The following KDELR3 variants were observed in gnomAD, a reference collection of about 807,000 sequenced individuals.
The protein encoded by KDELR3 is KDEL endoplasmic reticulum protein retention receptor 3.
A neutral mutation model predicts 22.7 loss-of-function variants in KDELR3; 26 were observed. That is an observed-to-expected ratio of 1.15 (90% CI 0.84 to 1.59). The LOEUF is 1.59. Among genes scored for constraint, KDELR3 ranks in the 40% most tolerant of loss-of-function variants. The probability of loss-of-function intolerance (pLI) is 0.00; values close to 1 mark genes in which losing one functional copy is unlikely to be tolerated. For missense variants in KDELR3, 289 were observed against 251.1 expected (o/e 1.15, Z -1.02); for synonymous variants, 120 against 98.2 (o/e 1.22, Z -1.31).
chr22:38,472,977 G>A (rs1391583347), intron 1 of KDELR3, among the ~76,000 whole-genome samples: 1 of 152,120 alleles, frequency 6.6e-6, no homozygotes, highest in African/African-American at 2.4e-5. Context: ...TTGGATTACA[G>A]GCATGAGCCA....
intron 1 of KDELR3, among the ~76,000 whole-genome samples, chr22:38,471,144 C>G (rs1357538066): frequency 1.4e-5 from 2 of 145,096 alleles, no homozygotes; most frequent in Non-Finnish European, 1.5e-5. Context: ...AACTCTGTCT[C>G]AAACAAACAA....
At chr22:38,475,567 A>G (rs1404559847) in intron 2 of KDELR3, among the ~76,000 whole-genome samples, 1 of 152,230 alleles carries the variant, frequency 6.6e-6, no homozygotes, top group Admixed American at 6.5e-5. Flanking sequence ...GATGACATGT[A>G]AGCTGACAGC....
intron 1 of KDELR3, 96 bp from the exon 2 acceptor site, chr22:38,474,427 C>T: frequency 1.0e-6 from 1 of 957,614 alleles, no homozygotes; most frequent in Non-Finnish European, 1.7e-6. Context: ...AGTGGACACT[C>T]TAGAGGCCTC....
Position 38,481,284 on chromosome 22 carries a change from G to T in KDELR3, c.424G>T (p.Gly142Ter). The stretch of plus-strand genomic sequence containing the variant: ...CCAGCTCTTCATGATCAGCAAGACT[G>T]GAGAGGCTGAGACCATAACTACTCA... The part of the protein sequence containing the change: ...LPQLFMISKT[G>*]EAETITTHYL... The change falls in exon 4 of 5, where the codon GGA becomes TGA. Residue 142 changes from glycine to a stop codon, truncating the protein, a stop_gained. Coordinates refer to ENST00000216014, the MANE Select transcript of KDELR3 (RefSeq NM_006855.4). LOFTEE classifies it high-confidence loss of function. 1 of 1,614,188 alleles carries T rather than the reference G, an allele frequency of 6.2e-7. No homozygotes were observed. The highest frequency in any genetic ancestry group is 8.5e-7 in the Non-Finnish European group (1 of 1,180,030).
rs1267586276 is a variant in KDELR3, at chr22:38,468,544, T to A, written c.91+220T>A. On this transcript the variant is annotated intron_variant, in intron 1 of 4. Transcript: ENST00000216014. The stretch of plus-strand genomic sequence containing the variant: ...GATGGGAGGCGGGTGGGTTTGTTCC[T>A]GCACAGACGCCCCCTCAGGTTGGCA... 2.6e-5 allele frequency among the ~76,000 whole-genome samples: 4 copies of A among 152,286 alleles called. No homozygotes were observed. The East Asian group carries it at 7.7e-4, about 29-fold the overall frequency.
intron 1 of KDELR3, 123 bp from the exon 2 acceptor site, chr22:38,474,400 G>A: frequency 1.4e-6 from 1 of 691,530 alleles, no homozygotes; most frequent in Non-Finnish European, 2.5e-6. Context: ...GCCCTGGACA[G>A]GAGGTCTTTG....
At chr22:38,468,718 C>T (rs1187801498) in intron 1 of KDELR3, among the ~76,000 whole-genome samples, 1 of 152,178 alleles carries the variant, frequency 6.6e-6, no homozygotes, top group Non-Finnish European at 1.5e-5. Context: ...GTCTTCTCTT[C>T]CCTGCCCCTT....
intron 1 of KDELR3, among the ~76,000 whole-genome samples, chr22:38,469,496 C>T (rs564799524): frequency 6.6e-5 from 10 of 152,194 alleles, no homozygotes; most frequent in Middle Eastern, 3.4e-3. Flanking sequence ...AGCAACAGTA[C>T]GGTGTGGAGG....
At position 38,481,367 on chromosome 22, in the gene KDELR3, G is replaced by A; in HGVS notation, c.507G>A (p.Arg169=). The A allele has an allele frequency of 6.2e-7, 1 of 1,614,188 alleles. No homozygotes were observed. Among genetic ancestry groups the A allele is most frequent in the Non-Finnish European group, 8.5e-7 (1 of 1,180,032 alleles). Residue 169 remains arginine (R), a synonymous_variant, in exon 4 of 5, where the codon CGG becomes CGA. Coordinates refer to ENST00000216014, the MANE Select transcript of KDELR3 (RefSeq NM_006855.4). The part of the protein sequence containing the change: ...RALYLANWIR[R]YQTENFYDQI... ...TCTACCTGGCTAACTGGATCAGGCG[G>A]TACCAGACTGAGAATTTCTATGACC...
intron 1 of KDELR3, among the ~76,000 whole-genome samples, chr22:38,471,856 C>A (rs963245544): frequency 6.8e-6 from 1 of 147,888 alleles, no homozygotes; most frequent in Admixed American, 6.6e-5. Flanking sequence ...CCCAGCTACT[C>A]AGGAGGCTAA....
At chr22:38,470,511 G>A (rs1037310204) in intron 1 of KDELR3, among the ~76,000 whole-genome samples, 16 of 152,180 alleles carry the variant, frequency 1.1e-4, no homozygotes, top group African/African-American at 3.6e-4. Context: ...AAAAAGGGCA[G>A]CTGGGTGGCA....
At chr22:38,469,160 G>A (rs550277477) in intron 1 of KDELR3, among the ~76,000 whole-genome samples, 9 of 152,332 alleles carry the variant, frequency 5.9e-5, no homozygotes, top group South Asian at 2.1e-4. Context: ...CCCGGAGGAC[G>A]AGCAGGTGTC....
intron 4 of KDELR3, 67 bp from the exon 5 acceptor site, chr22:38,482,429 G>A: frequency 8.0e-7 from 1 of 1,256,888 alleles, no homozygotes; most frequent in Non-Finnish European, 1.2e-6. Context: ...CCAAGATTAT[G>A]CATCAAGTTA....
chr22:38,468,946 C>A (rs754585274), intron 1 of KDELR3, among the ~76,000 whole-genome samples: 12 of 152,208 alleles, frequency 7.9e-5, no homozygotes, highest in African/African-American at 2.9e-4. Flanking sequence ...GACTCGCGGT[C>A]GCCAACAGAT....
chr22:38,477,977 G>C (rs1234149767), intron 2 of KDELR3, among the ~76,000 whole-genome samples: 1 of 152,220 alleles, frequency 6.6e-6, no homozygotes, highest in Non-Finnish European at 1.5e-5. Context: ...GCCAGGGACT[G>C]AGTTAGGAGC....
At position 38,479,575 on chromosome 22, in the gene KDELR3, G is replaced by C. The variant is rs369081501; in HGVS notation, c.193-18G>C. On this transcript the variant is annotated intron_variant, in intron 2 of 4. Coordinates refer to ENST00000216014, the MANE Select transcript of KDELR3 (RefSeq NM_006855.4). The stretch of plus-strand genomic sequence containing the variant: ...ATGACTTCATAGATTCGATTCCCAT[G>C]TCTCTCTCCCCTTTTAGGTGGTTTT... 6.2e-7 allele frequency: 1 copy of C among 1,607,062 alleles called. No individual in the cohort carries two copies. The highest frequency in any genetic ancestry group is 1.1e-5 in the South Asian group (1 of 90,974).
At chr22:38,481,728 C>G in intron 4 of KDELR3, 1 of 1,165,722 alleles carries the variant, frequency 8.6e-7, no homozygotes, top group Middle Eastern at 3.1e-4. Context: ...CATTCCAGAA[C>G]TTATTACAAG....
chr22:38,472,101 G>A (rs969189169), intron 1 of KDELR3, among the ~76,000 whole-genome samples: 1 of 152,184 alleles, frequency 6.6e-6, no homozygotes, highest in Non-Finnish European at 1.5e-5. Context: ...ATCCACGGAG[G>A]ATATGTTCCA....
intron 4 of KDELR3, chr22:38,481,732 T>C (rs1255719595): frequency 1.3e-5 from 15 of 1,142,690 alleles, no homozygotes; most frequent in Middle Eastern, 3.2e-4. Context: ...CCAGAACTTA[T>C]TACAAGCCCC....
Sources: gnomAD v4.1 joint callset for allele counts (sites outside exome capture counted in the v4.1 genomes callset) on GRCh38, gnomAD v4.1.1 for gene constraint, MANE v1.5 for transcripts, NCBI Gene and HGNC (gene_info 2026-07-23, HGNC 2026-07-21) for gene names.